The following DNM1 variants were observed in gnomAD, a reference collection of about 807,000 sequenced individuals.
DNM1 encodes the protein dynamin-1.
DNM1 carries 29 observed loss-of-function variants against 104.6 expected under a neutral mutation model. That is an observed-to-expected ratio of 0.28 (90% CI 0.21 to 0.38). DNM1 has a LOEUF of 0.38. DNM1 is among the 10% of genes least tolerant of loss of function. DNM1 has a pLI of 1.00. For missense variants in DNM1, 640 were observed against 1,189.4 expected, an observed-to-expected ratio of 0.54 and a Z score of 6.79; for synonymous variants, 445 against 475.8, an observed-to-expected ratio of 0.94 and a Z score of 0.84.
chr9:128,214,781 A>T (rs1469371378), intron 1 of DNM1, among the ~76,000 whole-genome samples: 1 of 152,238 alleles, frequency 6.6e-6, no homozygotes, highest in Non-Finnish European at 1.5e-5. Context: ...CTGGCATGCC[A>T]GCAGCCGCCC....
Position 128,243,549 on chromosome 9 carries a change from A to G in DNM1, c.1671+1204A>G, listed in dbSNP as rs952840307. On this transcript the variant is annotated intron_variant, in intron 15 of 21. Transcript: ENST00000372923. The surrounding 1 kb of genome is among the most constrained non-coding windows in gnomAD (Gnocchi z 4.0). ...GGGGGCGCCAAGCCATCTGGACCTCATTACCCCAACCCTGGCCTCCCCCAC... is the reference window on the plus strand; with the variant it reads ...GGGGGCGCCAAGCCATCTGGACCTCGTTACCCCAACCCTGGCCTCCCCCAC... Among the ~76,000 whole-genome samples the G allele has an allele frequency of 6.6e-6, 1 of 151,996 alleles. No homozygotes were observed. Among genetic ancestry groups the G allele is most frequent in the African/African-American group, 2.4e-5 (1 of 41,388 alleles).
Position 128,240,243 on chromosome 9 carries a change from A to G in DNM1, c.1557+247A>G, listed in dbSNP as rs750391583. On this transcript the variant is annotated intron_variant, in intron 14 of 21. Transcript: ENST00000372923. The surrounding 1 kb of genome is among the most constrained non-coding windows in gnomAD (Gnocchi z 5.1). ...ACCGTGTGGGGCTGGGTGGGTGAGA[A>G]GGCTGGGCCTGGCACGGAGTAGGTG... Among the ~76,000 whole-genome samples the G allele has an allele frequency of 3.3e-4, 51 of 152,264 alleles. No homozygotes were observed. The highest frequency in any genetic ancestry group is 3.4e-3 in the Middle Eastern group (1 of 294).
At chr9:128,230,672 G>A (rs542447189) in intron 10 of DNM1, among the ~76,000 whole-genome samples, 5 of 151,898 alleles carry the variant, frequency 3.3e-5, no homozygotes, top group East Asian at 1.9e-4. Context: ...CGCTAGTCTC[G>A]AACTCCTGAC....
At chr9:128,231,883 C>A in intron 10 of DNM1, 1 of 382,916 alleles carries the variant, frequency 2.6e-6, no homozygotes. Context: ...GAACCCAGGG[C>A]TGAATGGCTC....
At chr9:128,226,261 G>T in intron 10 of DNM1, 1 of 1,559,808 alleles carries the variant, frequency 6.4e-7, no homozygotes, top group Non-Finnish European at 8.7e-7. Context: ...TGCTGAGCCG[G>T]CCTCACGGCT....
chr9:128,227,667 C>A (rs1390542882), intron 10 of DNM1, among the ~76,000 whole-genome samples: 1 of 152,180 alleles, frequency 6.6e-6, no homozygotes, highest in Non-Finnish European at 1.5e-5. Flanking sequence ...CAGGTGTGAG[C>A]CACCACGCTC....
rs1372817452 is a variant in DNM1 at position 128,253,696 on chromosome 9, A to G, written c.2535-958A>G. The G allele has an allele frequency of 1.5e-5, 4 of 262,004 alleles. No individual in the cohort carries two copies. The highest frequency in any genetic ancestry group is 8.9e-5 in the African/African-American group (4 of 45,008). 16.2% of individuals were successfully genotyped at this position (262,004 alleles called of 1,614,324 possible). ...CGGCAATCCAGTGGTGACCTAGGGTAAAAGCTTGAGAGTCCCATACACACG... is the reference window on the plus strand; with the variant it reads ...CGGCAATCCAGTGGTGACCTAGGGTGAAAGCTTGAGAGTCCCATACACACG... On this transcript the variant is annotated intron_variant, in intron 21 of 21. Transcript: ENST00000372923. This position sits in a 1 kb window ranked among gnomAD's most constrained non-coding sequence, Gnocchi z 5.9.
intron 1 of DNM1, among the ~76,000 whole-genome samples, chr9:128,208,554 T>C (rs1225487983): frequency 1.3e-5 from 2 of 152,152 alleles, no homozygotes; most frequent in African/African-American, 4.8e-5. Context: ...GGCCAAAGTC[T>C]ATTAGGGGAT....
chr9:128,220,726 A>AGCGCGCGCGCGC lies in DNM1; in HGVS notation c.849+386_849+387insCGCGCGCGCGCG, dbSNP rs747195864. ...TCTGGAATGGGGCATCCAGAACTGA[A>AGCGCGCGCGCGC]GTGCGCGCGCGCGCGCGTGTGTGTG... On this transcript the variant is annotated intron_variant, in intron 6 of 21. Transcript: ENST00000372923. This position sits in a 1 kb window ranked among gnomAD's most constrained non-coding sequence, Gnocchi z 5.2. Among the ~76,000 whole-genome samples, 38 of 133,490 alleles carry AGCGCGCGCGCGC rather than the reference A, an allele frequency of 2.8e-4. 1 individual carries two copies. The highest frequency in any genetic ancestry group is 5.5e-4 in the East Asian group (2 of 3,630). The allele number at this position is 133,490 out of a possible 152,430, so 87.6% of individuals were successfully genotyped here.
intron 10 of DNM1, among the ~76,000 whole-genome samples, chr9:128,225,494 C>T (rs1299756273): frequency 6.6e-6 from 1 of 152,184 alleles, no homozygotes; most frequent in Non-Finnish European, 1.5e-5. Context: ...CTGGATGCGG[C>T]AACCCTAGAG....
rs1205130774 is a variant in DNM1, at chr9:128,222,757, G to A, written c.1129-36G>A. 3 of 1,613,340 alleles carry A rather than the reference G, an allele frequency of 1.9e-6. No homozygotes were observed. The highest frequency in any genetic ancestry group is 2.5e-6 in the Non-Finnish European group (3 of 1,179,358). On this transcript the variant is annotated intron_variant, in intron 8 of 21. Transcript: ENST00000372923. The surrounding 1 kb of genome is among the most constrained non-coding windows in gnomAD (Gnocchi z 7.8). ...TCTTGACCTCCCAGGTAGTAGGACAGGCCCTGACCAGGCTTTTCTCTGCTT... is the reference window on the plus strand; with the variant it reads ...TCTTGACCTCCCAGGTAGTAGGACAAGCCCTGACCAGGCTTTTCTCTGCTT...
In DNM1 at chr9:128,220,745, G is replaced by GCGCGCGCA. The variant is rs1343135648; in HGVS notation, c.849+404_849+405insCGCGCGCA. ...AACTGAAGTGCGCGCGCGCGCGCGTGTGTGTGTGTGTGTGTGTGTGTGTCT... is the reference window on the plus strand; with the variant it reads ...AACTGAAGTGCGCGCGCGCGCGCGTGCGCGCGCATGTGTGTGTGTGTGTGTGTGTGTCT... On this transcript the variant is annotated intron_variant, in intron 6 of 21. Transcript: ENST00000372923. This position sits in a 1 kb window ranked among gnomAD's most constrained non-coding sequence, Gnocchi z 5.2. Among the ~76,000 whole-genome samples, 2 of 150,344 alleles carry GCGCGCGCA rather than the reference G, an allele frequency of 1.3e-5. No homozygotes were observed. Among genetic ancestry groups the GCGCGCGCA allele is most frequent in the Non-Finnish European group, 3.0e-5 (2 of 67,498 alleles).
chr9:128,211,310 G>C (rs1834278789), intron 1 of DNM1, among the ~76,000 whole-genome samples: 1 of 152,148 alleles, frequency 6.6e-6, no homozygotes, highest in Non-Finnish European at 1.5e-5. Context: ...CCCCACACCT[G>C]AGTTGGGCCC....
chr9:128,250,773 C>A lies in DNM1; in HGVS notation c.2367C>A (p.Pro789=). ...PTPQRRAPAV[P]PARPGSRGPA... ...CGCAGCGCCGAGCCCCCGCCGTGCC[C>A]CCAGCCCGGCCCGGGTCGCGGGGCC... is the stretch of plus-strand genomic sequence containing the variant. The change falls in exon 21 of 22, where the codon CCC becomes CCA. Residue 789 remains proline, a synonymous_variant. Coordinates refer to ENST00000372923, the MANE Select transcript of DNM1 (RefSeq NM_004408.4). 2 of 1,390,092 alleles carry A rather than the reference C, an allele frequency of 1.4e-6. No individual in the cohort carries two copies. Among genetic ancestry groups the A allele is most frequent in the African/African-American group, 3.0e-5 (2 of 66,018 alleles). 86.1% of individuals were successfully genotyped at this position (1,390,092 alleles called of 1,614,324 possible). A position where few individuals can be genotyped will look rare whatever the true frequency, so the allele number is the denominator to read the frequency against.
intron 10 of DNM1, chr9:128,232,609 C>T (rs1262541868): frequency 1.3e-5 from 2 of 153,136 alleles, no homozygotes; most frequent in Admixed American, 6.5e-5. Flanking sequence ...ATCCCTGGGC[C>T]TCTTCCTCCA....
chr9:128,246,420 T>C lies in DNM1; in HGVS notation c.1698T>C (p.Ser566=), dbSNP rs749674787. Residue 566 remains serine, a synonymous_variant, in exon 16 of 22, where the codon TCT becomes TCC. Coordinates refer to ENST00000372923, the MANE Select transcript of DNM1 (RefSeq NM_004408.4). Reference sequence around the variant, plus strand: ...AGAAAGAGAAGAAATACATGCTGTCTGTGGACAACCTCAAGCTGCGGGACG... The same window carrying C: ...AGAAAGAGAAGAAATACATGCTGTCCGTGGACAACCTCAAGCTGCGGGACG... The part of the protein sequence containing the change: ...DEEKEKKYML[S]VDNLKLRDVE... 1 of 1,614,084 alleles carries C rather than the reference T, an allele frequency of 6.2e-7. No homozygotes were observed. The highest frequency in any genetic ancestry group is 8.5e-7 in the Non-Finnish European group (1 of 1,179,948).
At position 128,203,700 on chromosome 9, in the gene DNM1, C is replaced by T; in HGVS notation, c.161+69C>T. The stretch of plus-strand genomic sequence containing the variant: ...ATCCCTGGAGTCCCCGCCCGGGGCA[C>T]TGACGGCGCGGCGACCTCGCAGCCC... On this transcript the variant is annotated intron_variant, in intron 1 of 21. Transcript: ENST00000372923. The surrounding 1 kb of genome is among the most constrained non-coding windows in gnomAD (Gnocchi z 5.3). The T allele has an allele frequency of 7.4e-7, 1 of 1,351,198 alleles. No homozygotes were observed. The highest frequency in any genetic ancestry group is 1.6e-5 in the South Asian group (1 of 61,472). The allele number at this position is 1,351,198 out of a possible 1,614,324, so 83.7% of individuals were successfully genotyped here.
At chr9:128,230,086 C>T (rs1312193405) in intron 10 of DNM1, among the ~76,000 whole-genome samples, 10 of 150,180 alleles carry the variant, frequency 6.7e-5, no homozygotes, top group South Asian at 4.2e-4. Flanking sequence ...GGTGTGGTGG[C>T]GGGTGCTTGT....
intron 1 of DNM1, among the ~76,000 whole-genome samples, chr9:128,204,558 C>G (rs1455804816): frequency 2.6e-5 from 4 of 152,210 alleles, no homozygotes; most frequent in Non-Finnish European, 5.9e-5. Context: ...GCGGGGCAGG[C>G]AGGGTCGTGA....
Sources: allele counts gnomAD v4.1 joint callset (sites outside exome capture counted in the v4.1 genomes callset), GRCh38; gene constraint gnomAD v4.1.1; non-coding constraint Gnocchi (gnomAD v3.1); transcripts MANE v1.5; gene names NCBI Gene and HGNC (gene_info 2026-07-23, HGNC 2026-07-21).